The following VWA2 variants were observed in gnomAD, a reference collection of about 807,000 sequenced individuals.
VWA2 encodes the protein von Willebrand factor A domain-containing protein 2.
In VWA2, 73 loss-of-function variants were observed where a neutral mutation model predicts 70.4. The ratio of observed to expected loss-of-function variants is 1.04; its 90% CI spans 0.86 to 1.26. VWA2 has a LOEUF of 1.26. Among genes scored for constraint, VWA2 ranks in the 50% most tolerant of loss-of-function variants. The pLI, the probability that VWA2 is intolerant of heterozygous loss-of-function variation, is 0.00. For synonymous variants in VWA2, 407 were observed against 423.3 expected (o/e 0.96, Z 0.47); for missense variants, 1,011 against 998.5 (o/e 1.01, Z -0.17).
At chr10:114,241,872 A>G (rs557498084) in intron 1 of VWA2, among the ~76,000 whole-genome samples, 2 of 151,852 alleles carry the variant, frequency 1.3e-5, no homozygotes, top group South Asian at 2.1e-4. Context: ...ATTTTATCCA[A>G]TAAGGCTATT....
intron 8 of VWA2, chr10:114,280,706 C>A (rs182457227): frequency 8.5e-5 from 13 of 152,318 alleles, no homozygotes; most frequent in Admixed American, 7.8e-4. Flanking sequence ...AAGACGATTT[C>A]TCTTGAATGA....
chr10:114,263,114 C>T (rs147191931), intron 5 of VWA2, among the ~76,000 whole-genome samples: 1 of 152,268 alleles, frequency 6.6e-6, no homozygotes, highest in African/African-American at 2.4e-5. Flanking sequence ...CTCCCAGGCT[C>T]AAGCCATCCT....
At chr10:114,273,399 G>A (rs539855513) in intron 6 of VWA2, among the ~76,000 whole-genome samples, 6 of 152,154 alleles carry the variant, frequency 3.9e-5, no homozygotes, top group Non-Finnish European at 8.8e-5. Flanking sequence ...GCTCCACCCT[G>A]GAGAGAAAAG....
chr10:114,289,392 G>T lies in VWA2; in HGVS notation c.2025G>T (p.Leu675=). 1.2e-6 allele frequency: 2 copies of T among 1,602,204 alleles called. No homozygotes were observed. The highest frequency in any genetic ancestry group is 2.2e-5 in the South Asian group (2 of 90,958). The change falls in exon 12 of 14, where the codon CTG becomes CTT. Residue 675 remains leucine (L), a synonymous_variant. Coordinates refer to ENST00000392982, the MANE Select transcript of VWA2 (RefSeq NM_001272046.2). ...VGVGPVLSEG[L]RRLAGPRDSL... is the part of the protein sequence containing the mutation. ...TGGGGCCTGTCCTAAGTGAGGGTCTGCGGAGGCTTGCAGGTCCCCGGGATT... is the reference window on the plus strand; with the variant it reads ...TGGGGCCTGTCCTAAGTGAGGGTCTTCGGAGGCTTGCAGGTCCCCGGGATT...
At chr10:114,275,618 T>A (rs1377116784) in intron 6 of VWA2, among the ~76,000 whole-genome samples, 2 of 152,176 alleles carry the variant, frequency 1.3e-5, no homozygotes, top group African/African-American at 4.8e-5. Flanking sequence ...CATGGACTGA[T>A]AACTTTTTAA....
chr10:114,261,851 T>A (rs1036296432), intron 5 of VWA2, among the ~76,000 whole-genome samples: 7 of 152,228 alleles, frequency 4.6e-5, no homozygotes, highest in African/African-American at 1.7e-4. Context: ...AAACTTTTAT[T>A]GGCTCATGGT....
At chr10:114,278,981 G>T in intron 8 of VWA2, 130 bp downstream of exon 8, 1 of 1,405,164 alleles carries the variant, frequency 7.1e-7, no homozygotes, top group African/African-American at 1.4e-5. Context: ...CTGGGAGGGA[G>T]CCAGGGACGT....
At chr10:114,278,078 G>A (rs747215242) in intron 7 of VWA2, 31 bp downstream of exon 7, 1 of 1,594,042 alleles carries the variant, frequency 6.3e-7, no homozygotes, top group Non-Finnish European at 8.6e-7. Flanking sequence ...GGGAGTGGAA[G>A]TGCCATGTGG....
chr10:114,287,559 C>T (rs1271028692), intron 11 of VWA2, among the ~76,000 whole-genome samples: 1 of 152,104 alleles, frequency 6.6e-6, no homozygotes, highest in Admixed American at 6.5e-5. Flanking sequence ...AGCCCTGATG[C>T]CACCACTCTC....
At position 114,272,704 on chromosome 10, in the gene VWA2, C is replaced by T. The variant is rs764009034; in HGVS notation, c.372-36C>T. ...CCCAACTTCACCTCCCCACATCATT[C>T]ACTTTTCTTTCTTTTTTCCTTCTGG... On this transcript the variant is annotated intron_variant, in intron 5 of 13. Transcript: ENST00000392982. The T allele has an allele frequency of 1.3e-5, 19 of 1,513,742 alleles. No individual in the cohort carries two copies. In the South Asian group the frequency reaches 2.6e-4, roughly 20 times the overall value. 93.8% of individuals were successfully genotyped at this position (1,513,742 alleles called of 1,614,324 possible).
chr10:114,278,901 C>G, intron 8 of VWA2, 50 bp downstream of exon 8: 1 of 1,607,146 alleles, frequency 6.2e-7, no homozygotes, highest in South Asian at 1.1e-5. Context: ...AAGGCCCCCA[C>G]CCCTGAGCTG....
In VWA2 at chr10:114,278,862, G is replaced by A. The variant is rs183338632; in HGVS notation, c.833+11G>A. 70 of 1,612,302 alleles carry A rather than the reference G, an allele frequency of 4.3e-5. No individual in the cohort carries two copies. In the African/African-American group the frequency reaches 4.7e-4, roughly 11 times the overall value. On this transcript the variant is annotated intron_variant, in intron 8 of 13. Coordinates refer to ENST00000392982, the MANE Select transcript of VWA2 (RefSeq NM_001272046.2). ...CTGTCCCTTCTACAGGTTTGTCTGC[G>A]CGGTCTGGGCTCGGCCTGGGTGGAG...
At chr10:114,246,505 C>CAAA (rs570510812) in intron 1 of VWA2, 3,831 of 382,170 alleles carry the variant, frequency 0.01, no homozygotes, top group South Asian at 0.015. Context: ...AACTCCATCT[C>CAAA]AAAAAAAAAA....
chr10:114,291,000 G>A (rs1487815329), intron 13 of VWA2, among the ~76,000 whole-genome samples: 1 of 152,118 alleles, frequency 6.6e-6, no homozygotes, highest in Admixed American at 6.5e-5. Flanking sequence ...AAGTCCAGTC[G>A]GAGCCTTGGT....
At chr10:114,270,869 C>G (rs1342084057) in intron 5 of VWA2, among the ~76,000 whole-genome samples, 2 of 152,172 alleles carry the variant, frequency 1.3e-5, no homozygotes, top group Admixed American at 6.5e-5. Context: ...AAGCCAAGCT[C>G]TGCTCGCTAG....
At chr10:114,247,201 A>C in intron 1 of VWA2, among the ~76,000 whole-genome samples, 1 of 152,112 alleles carries the variant, frequency 6.6e-6, no homozygotes, top group East Asian at 1.9e-4. Flanking sequence ...AAAAAAAAAA[A>C]AAGATTTCTG....
Position 114,272,828 on chromosome 10 carries a change from CTCA to C in VWA2, c.466_468del (p.Ile156del), listed in dbSNP as rs2037741538. ...CAGAAATGCTTCTGTGCCCCAGATCCTCATCATCGTCACTGATGGGAAGTCCCA... is the reference window on the plus strand; with the variant it reads ...CAGAAATGCTTCTGTGCCCCAGATCCTCATCGTCACTGATGGGAAGTCCCA... On this transcript the variant is annotated inframe_deletion, in exon 6 of 14. Coordinates refer to ENST00000392982, the MANE Select transcript of VWA2 (RefSeq NM_001272046.2). The C allele has an allele frequency of 3.1e-6, 5 of 1,614,108 alleles. No homozygotes were observed. Among genetic ancestry groups the C allele is most frequent in the Non-Finnish European group, 4.2e-6 (5 of 1,180,010 alleles).
intron 3 of VWA2, among the ~76,000 whole-genome samples, chr10:114,254,588 C>G (rs776528551): frequency 9.2e-5 from 14 of 152,334 alleles, no homozygotes; most frequent in South Asian, 2.1e-4. Context: ...CCACACTAGA[C>G]TGTGGTCCCC....
intron 5 of VWA2, among the ~76,000 whole-genome samples, chr10:114,266,020 G>T (rs991738547): frequency 1.3e-5 from 2 of 152,074 alleles, no homozygotes; most frequent in Admixed American, 1.3e-4. Flanking sequence ...ACTTTTGGCC[G>T]GGCGCGGTGG....
Sources: gnomAD v4.1 joint callset for allele counts (sites outside exome capture counted in the v4.1 genomes callset) on GRCh38, gnomAD v4.1.1 for gene constraint, MANE v1.5 for transcripts, NCBI Gene and HGNC (gene_info 2026-07-23, HGNC 2026-07-21) for gene names.